The following CPB2 variants were observed in gnomAD, a reference collection of about 807,000 sequenced individuals.
CPB2 encodes carboxypeptidase B-like protein.
A neutral mutation model predicts 57.0 loss-of-function variants in CPB2; 54 were observed. The observed-to-expected ratio is 0.95, with a 90% CI of 0.76 to 1.19. CPB2 has a LOEUF of 1.19. CPB2 is among the 50% of genes most tolerant of loss of function. The pLI, the probability that CPB2 is intolerant of heterozygous loss-of-function variation, is 0.00. For missense variants in CPB2, 426 were observed against 512.0 expected, an observed-to-expected ratio of 0.83 and a Z score of 1.62; for synonymous variants, 189 against 178.1, an observed-to-expected ratio of 1.06 and a Z score of -0.49.
intron 1 of CPB2, among the ~76,000 whole-genome samples, chr13:46,096,811 A>G (rs1393557208): frequency 6.6e-6 from 1 of 152,146 alleles, no homozygotes; most frequent in Non-Finnish European, 1.5e-5. Flanking sequence ...GTGGTGCTGC[A>G]TTATGGACTC....
chr13:46,068,460 A>G (rs2044887793), intron 6 of CPB2, among the ~76,000 whole-genome samples: 1 of 152,254 alleles, frequency 6.6e-6, no homozygotes, highest in Non-Finnish European at 1.5e-5. Flanking sequence ...TTATTTTAAA[A>G]TCTACTGTAG....
intron 1 of CPB2, among the ~76,000 whole-genome samples, chr13:46,095,228 G>A (rs1191427712): frequency 1.3e-5 from 2 of 151,890 alleles, no homozygotes; most frequent in Admixed American, 1.3e-4. Context: ...CCTCCACATT[G>A]TTTCCTTGAC....
At chr13:46,058,917 A>G (rs11574991) in intron 8 of CPB2, among the ~76,000 whole-genome samples, 19,243 of 152,186 alleles carry the variant, frequency 0.13, 1,672 homozygotes, top group East Asian at 0.28. Flanking sequence ...CATTCCTTTG[A>G]TAGATTATAA....
At chr13:46,066,505 A>G (rs183886737) in intron 7 of CPB2, among the ~76,000 whole-genome samples, 65 of 152,354 alleles carry the variant, frequency 4.3e-4, no homozygotes, top group African/African-American at 1.5e-3. Flanking sequence ...ACCAATCATA[A>G]TGTAAGAGCC....
intron 6 of CPB2, among the ~76,000 whole-genome samples, chr13:46,071,143 A>G (rs1303774891): frequency 1.3e-5 from 2 of 152,232 alleles, no homozygotes; most frequent in African/African-American, 4.8e-5. Flanking sequence ...TTGGAACTCC[A>G]GAAGAGCAGG....
At chr13:46,063,182 C>T (rs372699224) in intron 8 of CPB2, among the ~76,000 whole-genome samples, 6 of 152,276 alleles carry the variant, frequency 3.9e-5, no homozygotes, top group African/African-American at 9.6e-5. Context: ...TCTTTGTCTT[C>T]GGGTTCAGGG....
chr13:46,066,457 T>C (rs2044855553), intron 7 of CPB2, among the ~76,000 whole-genome samples: 1 of 152,222 alleles, frequency 6.6e-6, no homozygotes, highest in African/African-American at 2.4e-5. Flanking sequence ...AGATGGAATG[T>C]GAGTTCATGG....
chr13:46,055,995 TAA>T, intron 9 of CPB2, 146 bp from the exon 10 acceptor site: 1 of 427,816 alleles, frequency 2.3e-6, no homozygotes, highest in South Asian at 5.4e-5. Context: ...ATAAATAAGG[TAA>T]ACAAATTAAT....
chr13:46,086,246 C>T (rs994743215), intron 2 of CPB2, among the ~76,000 whole-genome samples: 1 of 152,096 alleles, frequency 6.6e-6, no homozygotes, highest in Non-Finnish European at 1.5e-5. Context: ...AAGCAAGGGG[C>T]GTGTTTCAGC....
Position 46,053,626 on chromosome 13 carries a change from A to G in CPB2, c.1260T>C (p.Ile420=). Residue 420 remains isoleucine, a synonymous_variant, in exon 11 of 11, where the codon ATT becomes ATC. Coordinates refer to ENST00000181383, the MANE Select transcript of CPB2 (RefSeq NM_001872.5). ...AAAATCAGGGGCATTAAACATTCCTAATGACATGCCAAGCTATTTTAGAGA... is the reference window on the plus strand; with the variant it reads ...AAAATCAGGGGCATTAAACATTCCTGATGACATGCCAAGCTATTTTAGAGA... ...AAVSKIAWHV[I]RNV is the part of the protein sequence containing the mutation. The G allele has an allele frequency of 6.2e-7, 1 of 1,614,012 alleles. No individual in the cohort carries two copies. Among genetic ancestry groups the G allele is most frequent in the Non-Finnish European group, 8.5e-7 (1 of 1,179,894 alleles).
intron 2 of CPB2, among the ~76,000 whole-genome samples, chr13:46,085,805 C>T (rs982214125): frequency 6.6e-6 from 1 of 152,208 alleles, no homozygotes; most frequent in Admixed American, 6.5e-5. Context: ...GGTCGCTTCA[C>T]CAGCAGAAAC....
At chr13:46,104,841 A>T (rs2045474574) in intron 1 of CPB2, 95 bp downstream of exon 1, 1 of 1,456,208 alleles carries the variant, frequency 6.9e-7, no homozygotes, top group Non-Finnish European at 9.5e-7. Context: ...AAAGTTTACC[A>T]TTTTGTCCAC....
At chr13:46,069,787 A>G (rs2044910808) in intron 6 of CPB2, among the ~76,000 whole-genome samples, 1 of 152,164 alleles carries the variant, frequency 6.6e-6, no homozygotes, top group African/African-American at 2.4e-5. Context: ...ACTATTATGA[A>G]TAATATTGCT....
chr13:46,084,425 T>G, intron 2 of CPB2, 82 bp from the exon 3 acceptor site: 1 of 1,500,306 alleles, frequency 6.7e-7, no homozygotes, highest in Non-Finnish European at 9.1e-7. Flanking sequence ...CCATGACAGT[T>G]TTATCTATAA....
rs1237191853 is a variant in CPB2 at position 46,053,720 on chromosome 13, G to C, written c.1166C>G (p.Thr389Arg). The C allele has an allele frequency of 4.3e-6, 7 of 1,613,972 alleles. No homozygotes were observed. The highest frequency in any genetic ancestry group is 1.1e-5 in the South Asian group (1 of 91,080). Residue 389 changes from threonine to arginine, a missense_variant, in exon 11 of 11, where the codon ACG becomes AGG. Transcript: ENST00000181383. ...KYSFTIELRD[T>R]GTYGFLLPER... Reference sequence around the variant, plus strand: ...CGGCAGCAAGAATCCGTATGTGCCCGTATCTCGAAGTTCAATTGTAAACGA... The same window carrying C: ...CGGCAGCAAGAATCCGTATGTGCCCCTATCTCGAAGTTCAATTGTAAACGA...
chr13:46,065,496 G>A (rs1027738502), intron 7 of CPB2, among the ~76,000 whole-genome samples: 2 of 151,748 alleles, frequency 1.3e-5, no homozygotes, highest in African/African-American at 4.8e-5. Flanking sequence ...GCGTGGTGGC[G>A]GGCACCTGTA....
intron 7 of CPB2, among the ~76,000 whole-genome samples, 164 bp from the exon 8 acceptor site, chr13:46,064,905 G>C (rs1027349903): frequency 6.6e-6 from 1 of 152,108 alleles, no homozygotes; most frequent in African/African-American, 2.4e-5. Flanking sequence ...TCCTTTGCAC[G>C]GTCCCTATTG....
In CPB2 at chr13:46,103,228, G is replaced by T. The variant is rs1055813051; in HGVS notation, c.74+1708C>A. 3.3e-5 allele frequency among the ~76,000 whole-genome samples: 5 copies of T among 152,160 alleles called. No individual in the cohort carries two copies. In the East Asian group the frequency reaches 7.7e-4, roughly 23 times the overall value. On this transcript the variant is annotated intron_variant, in intron 1 of 10. Coordinates refer to ENST00000181383, the MANE Select transcript of CPB2 (RefSeq NM_001872.5). Reference sequence around the variant, plus strand: ...CGGTCTGCAGTGAGCCCACCTGCCCGCCAACCTCTGCAACAACCAGCTGAG... The same window carrying T: ...CGGTCTGCAGTGAGCCCACCTGCCCTCCAACCTCTGCAACAACCAGCTGAG...
intron 1 of CPB2, among the ~76,000 whole-genome samples, chr13:46,089,989 G>A (rs1039204920): frequency 6.6e-6 from 1 of 152,140 alleles, no homozygotes; most frequent in Non-Finnish European, 1.5e-5. Context: ...CATAATCAAG[G>A]ATTACCCTTG....
Sources: gnomAD v4.1 joint callset for allele counts (sites outside exome capture counted in the v4.1 genomes callset) on GRCh38, gnomAD v4.1.1 for gene constraint, MANE v1.5 for transcripts, NCBI Gene and HGNC (gene_info 2026-07-23, HGNC 2026-07-21) for gene names.